Variants in DAB1 observed in about 807,000 individuals in gnomAD.
DAB1 encodes the protein DAB adaptor protein 1.
A neutral mutation model predicts 64.6 loss-of-function variants in DAB1; 15 were observed. The observed-to-expected ratio is 0.23, with a 90% CI of 0.16 to 0.36. DAB1 has a LOEUF of 0.36. DAB1 is among the 10% of genes least tolerant of loss of function. The pLI, the probability that DAB1 is intolerant of heterozygous loss-of-function variation, is 1.00. For synonymous variants in DAB1, 235 were observed against 251.9 expected (o/e 0.93, Z 0.64); for missense variants, 596 against 706.7 (o/e 0.84, Z 1.78).
At chr1:57,923,831 T>C (rs1292580652) in intron 5 of DAB1, among the ~76,000 whole-genome samples, 3 of 152,208 alleles carry the variant, frequency 2.0e-5, no homozygotes, top group South Asian at 2.1e-4. Context: ...ACATGAAATA[T>C]AATATTAGTA....
At chr1:58,503,294 C>A (rs1645936654) in intron 3 of DAB1, among the ~76,000 whole-genome samples, 1 of 152,126 alleles carries the variant, frequency 6.6e-6, no homozygotes, top group Non-Finnish European at 1.5e-5. Context: ...TTGGATAGCA[C>A]AAAGGACCCT....
At chr1:57,021,082 A>T (rs1646602306) in intron 11 of DAB1, among the ~76,000 whole-genome samples, 1 of 152,230 alleles carries the variant, frequency 6.6e-6, no homozygotes, top group Non-Finnish European at 1.5e-5. Flanking sequence ...CACACAGTTT[A>T]ACACCAACTG....
intron 2 of DAB1, among the ~76,000 whole-genome samples, chr1:57,192,695 A>G (rs1664249410): frequency 1.3e-5 from 2 of 152,192 alleles, no homozygotes; most frequent in African/African-American, 4.8e-5. Flanking sequence ...ATCCTCTTCC[A>G]GCAAGAGGCA....
At chr1:57,976,034 G>A (rs1233391728) in intron 5 of DAB1, among the ~76,000 whole-genome samples, 1 of 152,172 alleles carries the variant, frequency 6.6e-6, no homozygotes, top group Non-Finnish European at 1.5e-5. Flanking sequence ...TGGGCAAGTT[G>A]GTGCAAGGCA....
chr1:58,208,854 A>C (rs1396232713), intron 4 of DAB1, among the ~76,000 whole-genome samples: 1 of 152,150 alleles, frequency 6.6e-6, no homozygotes, highest in Non-Finnish European at 1.5e-5. Context: ...TTTTTAAAGG[A>C]ATCTTCATAG....
chr1:57,367,637 G>A (rs549933434), intron 1 of DAB1, among the ~76,000 whole-genome samples: 29 of 152,270 alleles, frequency 1.9e-4, no homozygotes, highest in African/African-American at 3.4e-4. Flanking sequence ...TTGCCATCAC[G>A]CTAGCTGCAG....
chr1:57,340,956 C>T (rs1200201794), intron 1 of DAB1, among the ~76,000 whole-genome samples: 1 of 152,146 alleles, frequency 6.6e-6, no homozygotes, highest in Non-Finnish European at 1.5e-5. Flanking sequence ...AAGGAAGGCT[C>T]AAGAGAGCTA....
chr1:57,659,572 C>T (rs955670397), intron 6 of DAB1, among the ~76,000 whole-genome samples: 6 of 152,130 alleles, frequency 3.9e-5, no homozygotes, highest in African/African-American at 7.2e-5. Flanking sequence ...AGTCACTTTC[C>T]TCCCCTTCCC....
intron 5 of DAB1, among the ~76,000 whole-genome samples, chr1:58,038,119 C>T (rs759532311): frequency 1.3e-5 from 2 of 152,078 alleles, no homozygotes; most frequent in Non-Finnish European, 2.9e-5. Flanking sequence ...GAATATATGG[C>T]CCTCTTATGG....
intron 14 of DAB1, among the ~76,000 whole-genome samples, chr1:57,004,982 T>C (rs1646013387): frequency 6.6e-6 from 1 of 152,190 alleles, no homozygotes; most frequent in African/African-American, 2.4e-5. Flanking sequence ...TTTTTCTTTA[T>C]ATTCAAACAA....
intron 3 of DAB1, among the ~76,000 whole-genome samples, chr1:58,348,738 T>TTAC (rs1644023987): frequency 6.6e-6 from 1 of 152,184 alleles, no homozygotes; most frequent in Non-Finnish European, 1.5e-5. Context: ...CAATGAGATT[T>TTAC]TACACACGTT....
chr1:58,522,051 T>C (rs1215615216), intron 2 of DAB1, among the ~76,000 whole-genome samples: 1 of 152,168 alleles, frequency 6.6e-6, no homozygotes, highest in Non-Finnish European at 1.5e-5. Context: ...AAGGGATAAT[T>C]GACAAAATTA....
At chr1:58,040,761 T>G (rs1016116131) in intron 5 of DAB1, among the ~76,000 whole-genome samples, 3 of 152,240 alleles carry the variant, frequency 2.0e-5, no homozygotes, top group Non-Finnish European at 2.9e-5. Context: ...AAAGCTTAGT[T>G]TCTGATGTAT....
At chr1:57,467,287 T>C (rs1686984820) in intron 7 of DAB1, among the ~76,000 whole-genome samples, 1 of 152,190 alleles carries the variant, frequency 6.6e-6, no homozygotes, top group Admixed American at 6.5e-5. Flanking sequence ...TGATTTGATG[T>C]TTTGAAGAGC....
intron 3 of DAB1, among the ~76,000 whole-genome samples, chr1:58,466,695 C>T (rs1645300024): frequency 6.6e-6 from 1 of 152,220 alleles, no homozygotes; most frequent in Admixed American, 6.5e-5. Context: ...CCTACCCTCA[C>T]CTGGTCTCAT....
chr1:58,324,861 A>G (rs1557731746), intron 4 of DAB1, among the ~76,000 whole-genome samples: 1 of 152,198 alleles, frequency 6.6e-6, no homozygotes, highest in Non-Finnish European at 1.5e-5. Flanking sequence ...GCAAAAAGAA[A>G]CTACAGGAGC....
At chr1:57,316,488 C>A (rs1291246988) in intron 1 of DAB1, among the ~76,000 whole-genome samples, 1 of 152,126 alleles carries the variant, frequency 6.6e-6, no homozygotes, top group African/African-American at 2.4e-5. Context: ...GTTTCTCCAG[C>A]AGCAGCATCT....
chr1:57,331,970 G>A (rs550300123), intron 1 of DAB1, among the ~76,000 whole-genome samples: 3 of 152,254 alleles, frequency 2.0e-5, no homozygotes, highest in South Asian at 4.2e-4. Flanking sequence ...TTGCTTGTTT[G>A]TTTGTTTTTT....
chr1:57,852,665 A>T (rs1380616569), intron 1 of DAB1, among the ~76,000 whole-genome samples: 1 of 152,090 alleles, frequency 6.6e-6, no homozygotes, highest in African/African-American at 2.4e-5. Flanking sequence ...GTCAACCCTC[A>T]GTCCCAGATT....
Sources: allele counts gnomAD v4.1 joint callset (sites outside exome capture counted in the v4.1 genomes callset), GRCh38; gene constraint gnomAD v4.1.1; transcripts MANE v1.5; gene names NCBI Gene and HGNC (gene_info 2026-07-23, HGNC 2026-07-21).